The following TNRC6A variants were observed in gnomAD, a reference collection of about 807,000 sequenced individuals.
The protein encoded by TNRC6A is trinucleotide repeat containing adaptor 6A.
In TNRC6A, 44 loss-of-function variants were observed where a neutral mutation model predicts 221.2. The observed-to-expected ratio is 0.20, with a 90% CI of 0.16 to 0.26. The LOEUF is 0.26. Among genes scored for constraint, TNRC6A ranks in the 10% least tolerant of loss-of-function variants. The probability of loss-of-function intolerance (pLI) is 1.00; values close to 1 mark genes in which losing one functional copy is unlikely to be tolerated. For synonymous variants in TNRC6A, 847 were observed against 838.5 expected (o/e 1.01, Z -0.18); for missense variants, 2,199 against 2,404.4 (o/e 0.91, Z 1.79).
intron 1 of TNRC6A, among the ~76,000 whole-genome samples, chr16:24,625,732 C>CAAAAAAAAAAAAA (rs1296078884): frequency 3.8e-5 from 3 of 78,516 alleles, no homozygotes; most frequent in African/African-American, 9.9e-5. Context: ...GACTCCGTCT[C>CAAAAAAAAAAAAA]AAAACAAAAA....
chr16:24,626,941 C>A (rs1027605766), intron 1 of TNRC6A, among the ~76,000 whole-genome samples: 1 of 141,930 alleles, frequency 7.0e-6, no homozygotes, highest in Non-Finnish European at 1.5e-5. Context: ...CGTGAGCCAC[C>A]GCGCCCAGCC....
At chr16:24,820,960 T>C (rs2058755089) in intron 22 of TNRC6A, among the ~76,000 whole-genome samples, 1 of 152,224 alleles carries the variant, frequency 6.6e-6, no homozygotes, top group African/African-American at 2.4e-5. Context: ...AGTCTTATCC[T>C]TCACTCTACC....
intron 2 of TNRC6A, among the ~76,000 whole-genome samples, chr16:24,722,722 C>T (rs150771967): frequency 0.013 from 2,031 of 152,196 alleles, 15 homozygotes; most frequent in South Asian, 0.024. Context: ...GTGTGAGCCA[C>T]AACTCTTAAA....
At chr16:24,773,180 G>T (rs1374553082) in intron 4 of TNRC6A, among the ~76,000 whole-genome samples, 1 of 152,002 alleles carries the variant, frequency 6.6e-6, no homozygotes, top group Non-Finnish European at 1.5e-5. Flanking sequence ...TCTTGAGTTG[G>T]ATTATTATGT....
chr16:24,723,832 T>C (rs926797388), intron 2 of TNRC6A, among the ~76,000 whole-genome samples: 2 of 152,164 alleles, frequency 1.3e-5, no homozygotes, highest in South Asian at 4.1e-4. Context: ...TGAGAGTTGT[T>C]CTCCATTCCA....
upstream of TNRC6A, among the ~76,000 whole-genome samples, chr16:24,728,415 C>T (rs2056529179): frequency 6.6e-6 from 1 of 151,852 alleles, no homozygotes; most frequent in East Asian, 1.9e-4. Context: ...CCACTGCACT[C>T]CAGCCTGGGA....
At chr16:24,642,278 G>T (rs1197193015) in intron 2 of TNRC6A, among the ~76,000 whole-genome samples, 2 of 152,210 alleles carry the variant, frequency 1.3e-5, no homozygotes, top group Non-Finnish European at 2.9e-5. Context: ...GTTATCCAAA[G>T]TGGTGGTGTG....
At chr16:24,705,879 T>A (rs1359996776) in intron 2 of TNRC6A, among the ~76,000 whole-genome samples, 1 of 152,174 alleles carries the variant, frequency 6.6e-6, no homozygotes, top group South Asian at 2.1e-4. Flanking sequence ...AAAATACAAA[T>A]TTTAAGAATT....
At chr16:24,739,560 A>G (rs1596582186) in intron 2 of TNRC6A, among the ~76,000 whole-genome samples, 1 of 149,388 alleles carries the variant, frequency 6.7e-6, no homozygotes, top group Non-Finnish European at 1.5e-5. Context: ...CTCACTGCAA[A>G]CTCCACCTGC....
chr16:24,629,141 T>C (rs1277494565), intron 1 of TNRC6A, among the ~76,000 whole-genome samples: 1 of 152,146 alleles, frequency 6.6e-6, no homozygotes, highest in East Asian at 1.9e-4. Context: ...TTATGTATAT[T>C]TTTTATTTGT....
chr16:24,643,397 G>A (rs558511785), intron 2 of TNRC6A, among the ~76,000 whole-genome samples: 3 of 151,694 alleles, frequency 2.0e-5, no homozygotes, highest in African/African-American at 4.8e-5. Context: ...TTAGGGCGGC[G>A]GATTAGGGCA....
At chr16:24,614,553 T>C (rs949301190) in intron 1 of TNRC6A, among the ~76,000 whole-genome samples, 1 of 152,212 alleles carries the variant, frequency 6.6e-6, no homozygotes, top group Admixed American at 6.5e-5. Flanking sequence ...GGGTCTGTTT[T>C]GGATATGGAT....
In TNRC6A at chr16:24,686,887, A is replaced by G. The variant is rs142716201; in HGVS notation, n.402+45878A>G. On this transcript the variant is annotated intron_variant and non_coding_transcript_variant, in intron 2 of 2. Coordinates refer to the TNRC6A transcript ENST00000566108. ...CAGTATTCTCATCTGTAAAATGGGA[A>G]TAACGATGGCACCTACTTGGATGGT... Among the ~76,000 whole-genome samples the G allele has an allele frequency of 2.8e-3, 419 of 152,308 alleles. 1 individual carries two copies. The highest frequency in any genetic ancestry group is 9.6e-3 in the African/African-American group (401 of 41,570).
At chr16:24,796,037 A>G in intron 9 of TNRC6A, 98 bp downstream of exon 9, 2 of 1,378,514 alleles carry the variant, frequency 1.5e-6, no homozygotes, top group Non-Finnish European at 2.1e-6. Context: ...TGTGCCAGGT[A>G]CTGTGCTTGG....
At chr16:24,812,404 A>G (rs2058565382) in intron 18 of TNRC6A, among the ~76,000 whole-genome samples, 1 of 152,156 alleles carries the variant, frequency 6.6e-6, no homozygotes, top group African/African-American at 2.4e-5. Flanking sequence ...CAATGGGGAA[A>G]TGGCAAAATA....
chr16:24,757,675 G>A (rs2057281405), intron 3 of TNRC6A, among the ~76,000 whole-genome samples: 1 of 152,172 alleles, frequency 6.6e-6, no homozygotes. Flanking sequence ...TAAAGGAAGA[G>A]CAGACATTGG....
intron 3 of TNRC6A, among the ~76,000 whole-genome samples, chr16:24,754,547 A>G (rs1012881737): frequency 1.3e-5 from 2 of 152,156 alleles, no homozygotes; most frequent in African/African-American, 4.8e-5. Flanking sequence ...GAGCATGGAA[A>G]TGTAGTTTCC....
intron 2 of TNRC6A, among the ~76,000 whole-genome samples, chr16:24,699,694 A>C (rs1192560171): frequency 6.6e-6 from 1 of 150,462 alleles, no homozygotes; most frequent in Non-Finnish European, 1.5e-5. Context: ...ACTCCGGCCC[A>C]GGCAACAGAA....
chr16:24,699,730 A>T (rs925249828), intron 2 of TNRC6A, among the ~76,000 whole-genome samples: 9 of 151,970 alleles, frequency 5.9e-5, no homozygotes, highest in Admixed American at 4.6e-4. Context: ...ACCAAAAAAA[A>T]AAAAAAAAGC....
Sources: allele counts gnomAD v4.1 joint callset (sites outside exome capture counted in the v4.1 genomes callset), GRCh38; gene constraint gnomAD v4.1.1; transcripts MANE v1.5; gene names NCBI Gene and HGNC (gene_info 2026-07-23, HGNC 2026-07-21).